The following ZNF211 variants were observed in gnomAD, a reference collection of about 807,000 sequenced individuals.
ZNF211 encodes the protein zinc finger protein C2H2-25.
Under a neutral mutation model 12.1 loss-of-function variants are expected in ZNF211, and 18 were observed. That is an observed-to-expected ratio of 1.48 (90% CI 1.03 to 2.20). The LOEUF is 2.20. Ranked by LOEUF, ZNF211 falls within the 30% of genes most tolerant of loss-of-function variation. The probability of loss-of-function intolerance (pLI) is 0.00; values close to 1 mark genes in which losing one functional copy is unlikely to be tolerated. For synonymous variants in ZNF211, 249 were observed against 246.0 expected (o/e 1.01, Z -0.11); for missense variants, 677 against 703.1 (o/e 0.96, Z 0.42).
At position 57,642,158 on chromosome 19, in the gene ZNF211, G is replaced by A; in HGVS notation, c.1711G>A (p.Val571Ile). 1 of 1,608,658 alleles carries A rather than the reference G, an allele frequency of 6.2e-7. No homozygotes were observed. The highest frequency in any genetic ancestry group is 2.2e-5 in the East Asian group (1 of 44,788). The change falls in exon 4 of 4, where the codon GTT becomes ATT. Residue 571 changes from valine to isoleucine, a missense_variant. By Grantham distance (29) the Val-to-Ile change is conservative. Coordinates refer to ENST00000240731, the MANE Select transcript of ZNF211 (RefSeq NM_006385.5). ...CKSVLIQHQRVHIGEKP is the reference protein window; with the variant it reads ...CKSVLIQHQRIHIGEKP ...ATCTGTCCTCATTCAACACCAGAGA[G>A]TTCACATTGGAGAAAAGCCTTAGCT... is the stretch of plus-strand genomic sequence containing the variant.
rs1981926186 is a variant in ZNF211 at position 57,634,774 on chromosome 19, C to T, written c.256+19C>T. On this transcript the variant is annotated intron_variant, in intron 3 of 3. Transcript: ENST00000240731. Reference sequence around the variant, plus strand: ...TCCCTGGGTAAGGCCCTCATACTCACCCTTGTGCCCTGGACTAGGCTCTCT... The same window carrying T: ...TCCCTGGGTAAGGCCCTCATACTCATCCTTGTGCCCTGGACTAGGCTCTCT... 1.3e-6 allele frequency: 2 copies of T among 1,551,108 alleles called. No individual in the cohort carries two copies. Among genetic ancestry groups the T allele is most frequent in the African/African-American group, 1.4e-5 (1 of 72,474 alleles).
intron 2 of ZNF211, 103 bp from the exon 3 acceptor site, chr19:57,634,526 C>G: frequency 7.3e-7 from 1 of 1,368,064 alleles, no homozygotes; most frequent in Non-Finnish European, 9.7e-7. Context: ...GGTCTGGTGT[C>G]TCTTCTGACT....
chr19:57,636,024 A>G (rs1462813944), intron 3 of ZNF211, among the ~76,000 whole-genome samples: 3 of 152,178 alleles, frequency 2.0e-5, no homozygotes, highest in African/African-American at 7.2e-5. Context: ...TATATCTTCA[A>G]ATGATATTGC....
rs559349729 is a variant in ZNF211 at position 57,638,024 on chromosome 19, G to A, written c.257-2680G>A. 7.6e-3 allele frequency among the ~76,000 whole-genome samples: 1,151 copies of A among 151,174 alleles called. 11 individuals carry two copies. Among genetic ancestry groups the A allele is most frequent in the African/African-American group, 0.026 (1,084 of 41,214 alleles). ...AGCAATTCTCCTGCCTTGGCCTCCC[G>A]ATTAGCTGGGGTTACAGGCACATGC... On this transcript the variant is annotated intron_variant, in intron 3 of 3. Transcript: ENST00000240731.
At position 57,642,168 on chromosome 19, in the gene ZNF211, G is replaced by A; in HGVS notation, c.1721G>A (p.Gly574Glu). The A allele has an allele frequency of 6.2e-7, 1 of 1,606,816 alleles. No homozygotes were observed. Among genetic ancestry groups the A allele is most frequent in the Middle Eastern group, 1.7e-4 (1 of 6,022 alleles). ...VLIQHQRVHIGEKP is the reference protein window; with the variant it reads ...VLIQHQRVHIEEKP ...ATTCAACACCAGAGAGTTCACATTG[G>A]AGAAAAGCCTTAGCTGTACTGAGAA... Residue 574 changes from glycine to glutamate, a missense_variant, in exon 4 of 4, where the codon GGA (glycine) becomes GAA (glutamate). By Grantham distance (98) the Gly-to-Glu change is moderately conservative (BLOSUM62 -2). Coordinates refer to ENST00000240731, the MANE Select transcript of ZNF211 (RefSeq NM_006385.5).
Position 57,633,293 on chromosome 19 carries a change from T to G in ZNF211, c.-54T>G. The G allele has an allele frequency of 4.9e-6, 7 of 1,441,520 alleles. No individual in the cohort carries two copies. The highest frequency in any genetic ancestry group is 5.1e-5 in the Admixed American group (2 of 38,996). 89.3% of individuals were successfully genotyped at this position (1,441,520 alleles called of 1,614,324 possible). The stretch of plus-strand genomic sequence containing the variant: ...GTGACGGACCGTGAAGGCGCGAGAG[T>G]CAGGTCTGAGGGTCGGGGGCAGAGC... On this transcript the variant is annotated 5_prime_UTR_variant, in exon 1 of 4. Coordinates refer to ENST00000240731, the MANE Select transcript of ZNF211 (RefSeq NM_006385.5).
chr19:57,641,083 G>C lies in ZNF211; in HGVS notation c.636G>C (p.Arg212Ser). 2 of 1,614,142 alleles carry C rather than the reference G, an allele frequency of 1.2e-6. No individual in the cohort carries two copies. The highest frequency in any genetic ancestry group is 1.1e-5 in the South Asian group (1 of 91,084). The change falls in exon 4 of 4, where the codon AGG becomes AGC. Residue 212 changes from arginine to serine, a missense_variant. Transcript: ENST00000240731. ...GGAAAGACTTCCTGGCCAACATGAG[G>C]TTTCTCCATCAAGACGCCACTCAAA... ...EIRKDFLANMRFLHQDATQTG... is the reference protein window; with the variant it reads ...EIRKDFLANMSFLHQDATQTG...
Position 57,641,761 on chromosome 19 carries a change from T to A in ZNF211, c.1314T>A (p.Tyr438Ter). 6.2e-7 allele frequency: 1 copy of A among 1,614,054 alleles called. No individual in the cohort carries two copies. The highest frequency in any genetic ancestry group is 8.5e-7 in the Non-Finnish European group (1 of 1,179,992). ...HRRLHTGERP[Y>*]ECSKCGKSFK... ...GACTTCACACTGGAGAAAGACCCTATGAGTGCAGTAAATGTGGGAAGTCAT... is the reference window on the plus strand; with the variant it reads ...GACTTCACACTGGAGAAAGACCCTAAGAGTGCAGTAAATGTGGGAAGTCAT... Residue 438 changes from tyrosine to a stop codon, truncating the protein, a stop_gained, in exon 4 of 4, where the codon TAT (tyrosine) becomes TAA (stop). Coordinates refer to ENST00000240731, the MANE Select transcript of ZNF211 (RefSeq NM_006385.5). LOFTEE classifies it low-confidence loss of function (END_TRUNC).
chr19:57,640,076 T>TTA, intron 3 of ZNF211: 1 of 1,533,840 alleles, frequency 6.5e-7, no homozygotes, highest in South Asian at 1.2e-5. Flanking sequence ...AGGTCTGTGT[T>TTA]TAAATTGCAC....
At chr19:57,638,861 C>G (rs567555642) in intron 3 of ZNF211, among the ~76,000 whole-genome samples, 1 of 152,156 alleles carries the variant, frequency 6.6e-6, no homozygotes, top group African/African-American at 2.4e-5. Context: ...TCCATTTTTG[C>G]CTCATGTGTT....
At chr19:57,639,107 A>T (rs1041409865) in intron 3 of ZNF211, among the ~76,000 whole-genome samples, 1 of 152,070 alleles carries the variant, frequency 6.6e-6, no homozygotes, top group Non-Finnish European at 1.5e-5. Context: ...ATCTAAAGCA[A>T]ATCTCTTGTA....
chr19:57,639,729 T>C (rs567489610), intron 3 of ZNF211, among the ~76,000 whole-genome samples: 15 of 152,198 alleles, frequency 9.9e-5, no homozygotes, highest in African/African-American at 3.6e-4. Context: ...CCCAGTTCTT[T>C]GTATACTTCA....
Position 57,640,039 on chromosome 19 carries a change from A to G in ZNF211, c.257-665A>G, listed in dbSNP as rs776586763. ...ATCAGAGAGGGCCTGGCCTACATGA[A>G]TGGCACTTGGGAAAAGGCATGTCAT... On this transcript the variant is annotated intron_variant, in intron 3 of 3. Transcript: ENST00000240731. 1.0e-4 allele frequency: 156 copies of G among 1,535,964 alleles called. 1 individual carries two copies. The East Asian group carries it at 2.4e-3, about 24-fold the overall frequency.
Position 57,641,008 on chromosome 19 carries a change from G to C in ZNF211, c.561G>C (p.Gln187His), listed in dbSNP as rs553805695. The change falls in exon 4 of 4, where the codon CAG becomes CAC. Residue 187 changes from glutamine (Q) to histidine (H), a missense_variant. Coordinates refer to ENST00000240731, the MANE Select transcript of ZNF211 (RefSeq NM_006385.5). ...ATGTGGACACTGCCTCGTTTACACA[G>C]AGTTGCATAGTCCATGTGTCGGAGA... ...RSYVDTASFT[Q>H]SCIVHVSEKP... 3 of 1,614,194 alleles carry C rather than the reference G, an allele frequency of 1.9e-6. No homozygotes were observed. The South Asian group carries it at 3.3e-5, about 18-fold the overall frequency.
rs1983068964 is a variant in ZNF211, at chr19:57,642,194, T to G, written c.*13T>G. ...AGAAAAGCCTTAGCTGTACTGAGAA[T>G]ATGCAATTTCCTTTTAGTGTAATTA... On this transcript the variant is annotated 3_prime_UTR_variant, in exon 4 of 4. Transcript: ENST00000240731. 2 of 1,575,124 alleles carry G rather than the reference T, an allele frequency of 1.3e-6. No individual in the cohort carries two copies. Among genetic ancestry groups the G allele is most frequent in the Non-Finnish European group, 1.7e-6 (2 of 1,160,296 alleles).
At chr19:57,634,294 C>T (rs1981863756) in intron 2 of ZNF211, 2 of 501,170 alleles carry the variant, frequency 4.0e-6, no homozygotes, top group Non-Finnish European at 6.8e-6. Context: ...CAGGTAGGTA[C>T]CAGCTTTTGG....
chr19:57,641,546 T>A lies in ZNF211; in HGVS notation c.1099T>A (p.Ser367Thr). 6.2e-7 allele frequency: 1 copy of A among 1,613,948 alleles called. No homozygotes were observed. Among genetic ancestry groups the A allele is most frequent in the Non-Finnish European group, 8.5e-7 (1 of 1,179,988 alleles). Residue 367 changes from serine to threonine, a missense_variant, in exon 4 of 4, where the codon TCC becomes ACC. Physicochemically the swap from Ser to Thr is moderately conservative, Grantham distance 58. Transcript: ENST00000240731. ...ATGTGGGAAATCTTTTAGCCAAAGG[T>A]CCAACCTCATGCAGCATCGCAGAGT... ...GECGKSFSQR[S>T]NLMQHRRVHT...
Position 57,641,334 on chromosome 19 carries a change from G to A in ZNF211, c.887G>A (p.Arg296Lys). 1 of 1,614,208 alleles carries A rather than the reference G, an allele frequency of 6.2e-7. No individual in the cohort carries two copies. The highest frequency in any genetic ancestry group is 8.5e-7 in the Non-Finnish European group (1 of 1,180,042). The change falls in exon 4 of 4, where the codon AGG (arginine) becomes AAG (lysine). Residue 296 changes from arginine (R) to lysine (K), a missense_variant. Transcript: ENST00000240731. ...IQHQKVHSEE[R>K]PYECNECGKF... ...CACCAGAAAGTCCACAGTGAAGAAAGGCCTTATGAATGCAATGAATGTGGA... is the reference window on the plus strand; with the variant it reads ...CACCAGAAAGTCCACAGTGAAGAAAAGCCTTATGAATGCAATGAATGTGGA...
chr19:57,633,580 G>A, intron 1 of ZNF211, 144 bp downstream of exon 1: 2 of 1,512,848 alleles, frequency 1.3e-6, no homozygotes, highest in Non-Finnish European at 1.8e-6. Context: ...GATGTGGTGG[G>A]CAGGGGGACA....
Sources: allele counts gnomAD v4.1 joint callset (sites outside exome capture counted in the v4.1 genomes callset), GRCh38; gene constraint gnomAD v4.1.1; transcripts MANE v1.5; gene names NCBI Gene and HGNC (gene_info 2026-07-23, HGNC 2026-07-21).